Variants in ZNG1A observed in about 807,000 individuals in gnomAD.
The protein encoded by ZNG1A is zinc-regulated GTPase metalloprotein activator 1A.
At chr9:172,554 T>C in the ZNG1A span, 2 of 162,566 alleles carry the variant, frequency 1.2e-5, no homozygotes, top group East Asian at 1.8e-4. Context: ...TTAAACACCA[T>C]ATAATTCTAT....
the ZNG1A span, chr9:150,099 T>C: frequency 6.6e-6 from 1 of 151,212 alleles, no homozygotes; most frequent in Non-Finnish European, 1.5e-5. Context: ...TTGACTATTT[T>C]GTTAACCAAA....
the ZNG1A span, chr9:172,248 A>T: frequency 1.3e-6 from 2 of 1,573,268 alleles, no homozygotes; most frequent in South Asian, 2.3e-5. Flanking sequence ...ACTTTAAAAT[A>T]TATTCAACAA....
At chr9:128,382 C>A in the ZNG1A span, among the ~76,000 whole-genome samples, 2 of 151,760 alleles carry the variant, frequency 1.3e-5, no homozygotes, top group Admixed American at 1.3e-4. Context: ...TTTTCTTATT[C>A]TTTTTTCTTT....
At chr9:160,089 T>C in the ZNG1A span, 1 of 454,624 alleles carries the variant, frequency 2.2e-6, no homozygotes, top group Non-Finnish European at 4.4e-6. Flanking sequence ...GTAGCCTGGG[T>C]GTCAAGTCCT....
the ZNG1A span, among the ~76,000 whole-genome samples, chr9:161,227 G>C: frequency 1.5e-4 from 23 of 152,188 alleles, no homozygotes; most frequent in African/African-American, 4.8e-4. Flanking sequence ...CCAGCACTTT[G>C]GGAGGCCGAG....
the ZNG1A span, chr9:159,892 C>T: frequency 1.1e-5 from 4 of 350,130 alleles, no homozygotes; most frequent in African/African-American, 8.7e-5. Flanking sequence ...TGCATAATGT[C>T]AGTCTATTTA....
chr9:152,656 T>C, the ZNG1A span, among the ~76,000 whole-genome samples: 1 of 152,064 alleles, frequency 6.6e-6, no homozygotes, highest in Non-Finnish European at 1.5e-5. Flanking sequence ...CTTTTGATAC[T>C]ATAGAATATG....
chr9:156,590 A>G, the ZNG1A span: 1 of 1,544,372 alleles, frequency 6.5e-7, no homozygotes, highest in South Asian at 1.1e-5. Flanking sequence ...TGTCAACACA[A>G]AGGATTTTAC....
chr9:150,092 A>G, the ZNG1A span: 1 of 148,306 alleles, frequency 6.7e-6, no homozygotes, highest in African/African-American at 2.5e-5. Context: ...AGTGACTTTG[A>G]CTATTTTGTT....
the ZNG1A span, chr9:178,979 C>A: frequency 9.1e-7 from 1 of 1,093,168 alleles, no homozygotes; most frequent in African/African-American, 1.5e-5. Context: ...TTCCGGCCTA[C>A]AGCACGTCCC....
At chr9:150,610 T>G in the ZNG1A span, 1 of 984,074 alleles carries the variant, frequency 1.0e-6, no homozygotes, top group Non-Finnish European at 1.2e-6. Flanking sequence ...AGAAAGTCCC[T>G]AGATTCTCAG....
At chr9:138,680 C>T in the ZNG1A span, among the ~76,000 whole-genome samples, 1 of 144,852 alleles carries the variant, frequency 6.9e-6, no homozygotes. Context: ...ATGAGGATCA[C>T]TTGAGCCCAG....
chr9:129,568 A>T, the ZNG1A span, among the ~76,000 whole-genome samples: 2 of 150,310 alleles, frequency 1.3e-5, no homozygotes, highest in East Asian at 3.9e-4. Context: ...CAGTCACAGA[A>T]GGACAAATAT....
the ZNG1A span, chr9:162,496 C>G: frequency 5.1e-6 from 8 of 1,564,630 alleles, no homozygotes; most frequent in South Asian, 1.2e-5. Flanking sequence ...ATTTTAATCA[C>G]TTTTTAAAAA....
chr9:175,879 T>A, the ZNG1A span: 3 of 1,387,152 alleles, frequency 2.2e-6, no homozygotes, highest in Non-Finnish European at 2.9e-6. Context: ...AGAATTTGCG[T>A]GCTATTTTTC....
the ZNG1A span, among the ~76,000 whole-genome samples, chr9:176,783 G>T: frequency 1.3e-5 from 2 of 151,808 alleles, no homozygotes; most frequent in African/African-American, 2.4e-5. Flanking sequence ...TGAAAGGAAA[G>T]GGTGAATGTA....
At chr9:169,166 G>A in the ZNG1A span, among the ~76,000 whole-genome samples, 8 of 152,090 alleles carry the variant, frequency 5.3e-5, no homozygotes, top group African/African-American at 1.9e-4. Flanking sequence ...GTGATTCATG[G>A]GAGATCAAAG....
At chr9:164,946 G>A in the ZNG1A span, among the ~76,000 whole-genome samples, 5 of 151,810 alleles carry the variant, frequency 3.3e-5, no homozygotes, top group South Asian at 6.3e-4. Context: ...ATATAGCAAG[G>A]GCCACAAGAT....
At chr9:145,320 T>A in the ZNG1A span, among the ~76,000 whole-genome samples, 27 of 150,092 alleles carry the variant, frequency 1.8e-4, no homozygotes, top group East Asian at 5.3e-3. Flanking sequence ...AATGATAGAC[T>A]GGATTAAGAA....
Sources: allele counts gnomAD v4.1 joint callset (sites outside exome capture counted in the v4.1 genomes callset), GRCh38; gene constraint gnomAD v4.1.1; transcripts MANE v1.5; gene names NCBI Gene and HGNC (gene_info 2026-07-23, HGNC 2026-07-21).